Variants in CLASP2 observed in about 807,000 individuals in gnomAD.
The protein encoded by CLASP2 is cytoplasmic linker associated protein 2.
In CLASP2, 47 loss-of-function variants were observed where a neutral mutation model predicts 194.4. The ratio of observed to expected loss-of-function variants is 0.24; its 90% CI spans 0.19 to 0.31. The LOEUF (loss-of-function observed/expected upper bound fraction) is 0.31. Among genes scored for constraint, CLASP2 ranks in the 10% least tolerant of loss-of-function variants. The pLI, the probability that CLASP2 is intolerant of heterozygous loss-of-function variation, is 1.00. For synonymous variants in CLASP2, 619 were observed against 633.5 expected, an observed-to-expected ratio of 0.98 and a Z score of 0.34; for missense variants, 1,445 against 1,823.6, an observed-to-expected ratio of 0.79 and a Z score of 3.78.
intron 9 of CLASP2, among the ~76,000 whole-genome samples, chr3:33,628,783 A>T (rs972650036): frequency 2.0e-5 from 3 of 152,038 alleles, no homozygotes; most frequent in Non-Finnish European, 4.4e-5. Context: ...GAAGGAGGTG[A>T]CTCAGTAAGA....
rs1213189049 is a variant in CLASP2 at position 33,651,657 on chromosome 3, CT to C, written c.716-6755del. On this transcript the variant is annotated intron_variant, in intron 7 of 38. Transcript: ENST00000682230. ...ATGGCTTTTTAAACTTTCCACCTCACTTTTTTTTTTTTTTTTTTTGAGACAG... is the reference window on the plus strand; with the variant it reads ...ATGGCTTTTTAAACTTTCCACCTCACTTTTTTTTTTTTTTTTTTGAGACAG... Among the ~76,000 whole-genome samples the C allele has an allele frequency of 3.3e-3, 399 of 119,600 alleles. 2 individuals are homozygous for C. Among genetic ancestry groups the C allele is most frequent in the South Asian group, 8.8e-3 (32 of 3,624 alleles). The allele number at this position is 119,600 out of a possible 152,430, so 78.5% of individuals were successfully genotyped here.
chr3:33,670,940 G>A (rs557611664), intron 6 of CLASP2, among the ~76,000 whole-genome samples: 2 of 152,252 alleles, frequency 1.3e-5, no homozygotes, highest in South Asian at 2.1e-4. Context: ...AACAATGTCT[G>A]ACCTTAAGTG....
intron 21 of CLASP2, among the ~76,000 whole-genome samples, chr3:33,587,133 C>CT (rs768755238): frequency 1.2e-4 from 18 of 148,062 alleles, no homozygotes; most frequent in East Asian, 3.9e-4. Flanking sequence ...TTTTTTCTTT[C>CT]TTTTTTTTTT....
chr3:33,665,379 G>A (rs2086010891), intron 6 of CLASP2, among the ~76,000 whole-genome samples: 2 of 152,024 alleles, frequency 1.3e-5, no homozygotes, highest in South Asian at 2.1e-4. Context: ...AGAGAGGAGG[G>A]GAGGGGAAAA....
At chr3:33,706,224 G>A (rs1271705461) in intron 1 of CLASP2, among the ~76,000 whole-genome samples, 2 of 151,940 alleles carry the variant, frequency 1.3e-5, no homozygotes, top group Non-Finnish European at 2.9e-5. Context: ...CTCTAACCTG[G>A]GCAACAGAGT....
At chr3:33,508,143 C>A (rs2048787731) in intron 37 of CLASP2, among the ~76,000 whole-genome samples, 1 of 151,752 alleles carries the variant, frequency 6.6e-6, no homozygotes, top group African/African-American at 2.4e-5. Context: ...CATAGGCATG[C>A]CACTGTGAGC....
intron 18 of CLASP2, among the ~76,000 whole-genome samples, chr3:33,599,978 T>C (rs574934245): frequency 4.7e-4 from 72 of 152,294 alleles, no homozygotes; most frequent in African/African-American, 1.7e-3. Flanking sequence ...AAAAAAATTG[T>C]CCCAAATTGG....
intron 34 of CLASP2, among the ~76,000 whole-genome samples, chr3:33,532,509 G>C (rs970025212): frequency 2.6e-5 from 4 of 152,104 alleles, no homozygotes; most frequent in African/African-American, 4.8e-5. Flanking sequence ...TATATAAAAT[G>C]CTTAAGATAA....
In CLASP2 at chr3:33,517,159, T is replaced by C. The variant is rs930768824; in HGVS notation, c.3803A>G (p.His1268Arg). The change falls in exon 35 of 39, where the codon CAT becomes CGT. Residue 1268 changes from histidine (H) to arginine (R), a missense_variant. Physicochemically the swap from His to Arg is conservative, Grantham distance 29. Transcript: ENST00000682230. ...CAACAACTCTGCAACTAGGTCAGAA[T>C]GATCTAGGGAAAGATCTGTCAAAAG... ...DQFPDDLSLD[H>R]SDLVAELLKE... 2 of 1,611,758 alleles carry C rather than the reference T, an allele frequency of 1.2e-6. No individual in the cohort carries two copies. The highest frequency in any genetic ancestry group is 1.7e-6 in the Non-Finnish European group (2 of 1,179,268).
At chr3:33,712,780 T>G (rs2093079195) in intron 1 of CLASP2, among the ~76,000 whole-genome samples, 2 of 151,758 alleles carry the variant, frequency 1.3e-5, no homozygotes, top group Non-Finnish European at 2.9e-5. Context: ...CTGGCCAACA[T>G]GACGAAACCC....
At chr3:33,655,741 T>TTA (rs1474686751) in intron 7 of CLASP2, among the ~76,000 whole-genome samples, 17 of 152,166 alleles carry the variant, frequency 1.1e-4, no homozygotes, top group East Asian at 5.8e-4. Context: ...AAATCAAGTT[T>TTA]TATATATATA....
At chr3:33,545,850 C>T (rs1291008233) in intron 30 of CLASP2, among the ~76,000 whole-genome samples, 1 of 150,062 alleles carries the variant, frequency 6.7e-6, no homozygotes, top group Non-Finnish European at 1.5e-5. Flanking sequence ...GCAGAAGTTG[C>T]AGTGAGCAGA....
intron 38 of CLASP2, among the ~76,000 whole-genome samples, chr3:33,500,772 C>G (rs896131601): frequency 5.9e-5 from 9 of 152,108 alleles, no homozygotes; most frequent in African/African-American, 2.2e-4. Flanking sequence ...AATTTGACCA[C>G]AGTAAGACAA....
chr3:33,589,643 C>T (rs548986703), intron 21 of CLASP2, among the ~76,000 whole-genome samples: 2 of 152,046 alleles, frequency 1.3e-5, no homozygotes, highest in Non-Finnish European at 2.9e-5. Context: ...TCTTAAAGTC[C>T]TATTTGGTCT....
At chr3:33,681,816 T>C (rs1405290447) in intron 6 of CLASP2, among the ~76,000 whole-genome samples, 1 of 152,236 alleles carries the variant, frequency 6.6e-6, no homozygotes, top group Non-Finnish European at 1.5e-5. Flanking sequence ...AGGTGAGACC[T>C]AATGGGAGGT....
intron 36 of CLASP2, chr3:33,514,431 A>G (rs1350728759): frequency 1.3e-5 from 2 of 154,110 alleles, no homozygotes; most frequent in Admixed American, 1.3e-4. Flanking sequence ...GCCTAATCCA[A>G]GGTAACAAAG....
chr3:33,560,045 TA>T (rs1255755988), intron 28 of CLASP2, among the ~76,000 whole-genome samples: 1 of 152,174 alleles, frequency 6.6e-6, no homozygotes, highest in Non-Finnish European at 1.5e-5. Flanking sequence ...CTCAACCTAG[TA>T]AACAGATATT....
chr3:33,662,806 T>G (rs1055201373), intron 7 of CLASP2, among the ~76,000 whole-genome samples: 1 of 152,152 alleles, frequency 6.6e-6, no homozygotes, highest in African/African-American at 2.4e-5. Flanking sequence ...TAATTAATAT[T>G]TAAAGTCTCA....
intron 21 of CLASP2, 147 bp downstream of exon 21, chr3:33,592,248 C>T (rs1313277096): frequency 4.2e-6 from 3 of 719,908 alleles, no homozygotes; most frequent in Admixed American, 2.0e-5. Flanking sequence ...ACCTAAAGTA[C>T]AGAACAAGAA....
Sources: gnomAD v4.1 joint callset for allele counts (sites outside exome capture counted in the v4.1 genomes callset) on GRCh38, gnomAD v4.1.1 for gene constraint, MANE v1.5 for transcripts, NCBI Gene and HGNC (gene_info 2026-07-23, HGNC 2026-07-21) for gene names.